TRERF1: variants seen among roughly 807,000 people sequenced by gnomAD.
TRERF1 encodes the protein transcriptional-regulating factor 1.
Under a neutral mutation model 122.9 loss-of-function variants are expected in TRERF1, and 27 were observed. The observed-to-expected ratio is 0.22, with a 90% CI of 0.16 to 0.30. TRERF1 has a LOEUF of 0.30. TRERF1 is among the 10% of genes least tolerant of loss of function. The pLI is 1.00. For missense variants in TRERF1, 1,248 were observed against 1,560.3 expected (o/e 0.80, Z 3.37); for synonymous variants, 636 against 641.7 (o/e 0.99, Z 0.13).
intron 16 of TRERF1, among the ~76,000 whole-genome samples, chr6:42,233,395 C>G (rs1457792015): frequency 6.6e-6 from 1 of 151,242 alleles, no homozygotes; most frequent in East Asian, 1.9e-4. Context: ...ACACCATTCT[C>G]CTGCCTCAGC....
intron 3 of TRERF1, among the ~76,000 whole-genome samples, chr6:42,315,879 G>A (rs564415121): frequency 3.7e-4 from 57 of 152,216 alleles, no homozygotes; most frequent in Non-Finnish European, 5.7e-4. Context: ...GAAGAGGAGG[G>A]ACTTGGGTGG....
chr6:42,428,721 C>A (rs1255297395), intron 2 of TRERF1, among the ~76,000 whole-genome samples: 1 of 152,232 alleles, frequency 6.6e-6, no homozygotes, highest in African/African-American at 2.4e-5. Flanking sequence ...AACCCTTGCC[C>A]TGCAGAAGTC....
intron 15 of TRERF1, among the ~76,000 whole-genome samples, chr6:42,241,467 ATT>A (rs70987584): frequency 2.0e-5 from 3 of 148,388 alleles, no homozygotes; most frequent in African/African-American, 7.4e-5. Flanking sequence ...AATGAGTCCA[ATT>A]TTTTTTTTTC....
At chr6:42,440,230 T>C in intron 2 of TRERF1, among the ~76,000 whole-genome samples, 1 of 152,110 alleles carries the variant, frequency 6.6e-6, no homozygotes. Context: ...GCTCTAGATA[T>C]TTTGCTGAGG....
At chr6:42,280,125 G>C (rs182529191) in intron 4 of TRERF1, among the ~76,000 whole-genome samples, 2 of 152,102 alleles carry the variant, frequency 1.3e-5, no homozygotes, top group Non-Finnish European at 2.9e-5. Flanking sequence ...CGGCGACACC[G>C]AGCTACATAC....
intron 9 of TRERF1, among the ~76,000 whole-genome samples, chr6:42,258,536 C>T (rs540318306): frequency 6.6e-6 from 1 of 152,372 alleles, no homozygotes; most frequent in African/African-American, 2.4e-5. Context: ...AAGGCTTGAT[C>T]TTGCATGTAA....
At chr6:42,237,798 G>A (rs1438814625) in intron 15 of TRERF1, among the ~76,000 whole-genome samples, 8 of 152,142 alleles carry the variant, frequency 5.3e-5, no homozygotes, top group Non-Finnish European at 1.5e-5. Flanking sequence ...TGTGAGAGAG[G>A]GAGACAATGC....
intron 2 of TRERF1, among the ~76,000 whole-genome samples, chr6:42,382,074 A>C (rs1776034932): frequency 6.6e-6 from 1 of 151,922 alleles, no homozygotes; most frequent in Non-Finnish European, 1.5e-5. Flanking sequence ...AGGCCTGCCC[A>C]AAATAATGAA....
intron 2 of TRERF1, among the ~76,000 whole-genome samples, chr6:42,406,021 G>C (rs550768971): frequency 6.6e-6 from 1 of 152,272 alleles, no homozygotes; most frequent in South Asian, 2.1e-4. Flanking sequence ...GCAGCAGCTA[G>C]TGTGTATGGA....
At chr6:42,377,552 A>G (rs962427423) in intron 2 of TRERF1, among the ~76,000 whole-genome samples, 1 of 152,190 alleles carries the variant, frequency 6.6e-6, no homozygotes, top group Non-Finnish European at 1.5e-5. Context: ...AACACATTTC[A>G]TTTATCCATG....
At chr6:42,385,272 C>T (rs947051400) in intron 2 of TRERF1, among the ~76,000 whole-genome samples, 4 of 152,124 alleles carry the variant, frequency 2.6e-5, no homozygotes, top group Admixed American at 6.6e-5. Context: ...CCACTGCACC[C>T]GACCTGATCC....
At chr6:42,452,108 CT>C (rs1289582432), upstream of TRERF1, 4 of 151,838 alleles carry the variant, frequency 2.6e-5, no homozygotes, top group Non-Finnish European at 4.4e-5. Context: ...TTACCCACCC[CT>C]AGCAACCGTT....
At chr6:42,311,461 T>G (rs922148193) in intron 3 of TRERF1, among the ~76,000 whole-genome samples, 50 of 152,132 alleles carry the variant, frequency 3.3e-4, no homozygotes, top group African/African-American at 1.2e-3. Context: ...GAGGCCAGGC[T>G]GTAGGCATGA....
chr6:42,226,303 T>C (rs1051587884), exon 18 of TRERF1: 2 of 152,270 alleles, frequency 1.3e-5, no homozygotes, highest in Non-Finnish European at 2.9e-5. Context: ...AACACTTTTC[T>C]GGATGTTTGC....
At position 42,246,448 on chromosome 6, in the gene TRERF1, A is replaced by G; in HGVS notation, c.2745+8T>C. 1 of 1,570,486 alleles carries G rather than the reference A, an allele frequency of 6.4e-7. No homozygotes were observed. The highest frequency in any genetic ancestry group is 2.3e-5 in the East Asian group (1 of 43,554). The stretch of plus-strand genomic sequence containing the variant: ...TTTCAAGGGGGCAATGGGAAAAATC[A>G]TGCTTACCATCTTCTGTACAAAAAT... On this transcript the variant is annotated splice_region_variant and intron_variant, in intron 14 of 17. Transcript: ENST00000372922.
chr6:42,356,005 G>A (rs1255812011), intron 3 of TRERF1, among the ~76,000 whole-genome samples: 2 of 152,138 alleles, frequency 1.3e-5, no homozygotes, highest in Admixed American at 1.3e-4. Context: ...ACTGACATTC[G>A]GAACTAGGAA....
At position 42,228,044 on chromosome 6, in the gene TRERF1, C is replaced by G; in HGVS notation, c.*301G>C. 1 of 264,132 alleles carries G rather than the reference C, an allele frequency of 3.8e-6. No homozygotes were observed. Among genetic ancestry groups the G allele is most frequent in the Admixed American group, 5.3e-5 (1 of 18,776 alleles). The allele number at this position is 264,132 out of a possible 1,614,324, so 16.4% of individuals were successfully genotyped here. On this transcript the variant is annotated 3_prime_UTR_variant, in exon 18 of 18. Coordinates refer to ENST00000372922, the Ensembl canonical transcript of TRERF1. This position sits in a 1 kb window ranked among gnomAD's most constrained non-coding sequence, Gnocchi z 4.2. ...AACCGGGATGGTTGACATCTGAATG[C>G]AATGGAACATGAAGGTCAGCTTCAG... is the stretch of plus-strand genomic sequence containing the variant.
intron 3 of TRERF1, among the ~76,000 whole-genome samples, chr6:42,324,852 T>C (rs1166852959): frequency 6.6e-6 from 1 of 152,108 alleles, no homozygotes; most frequent in Non-Finnish European, 1.5e-5. Flanking sequence ...GAAAAGAATT[T>C]ATGACTAAGC....
At chr6:42,241,192 G>A (rs1399834964) in intron 15 of TRERF1, among the ~76,000 whole-genome samples, 7 of 151,954 alleles carry the variant, frequency 4.6e-5, no homozygotes, top group Admixed American at 4.6e-4. Context: ...GTGATCACAT[G>A]TTTTTTAAAA....
Sources: allele counts gnomAD v4.1 joint callset (sites outside exome capture counted in the v4.1 genomes callset), GRCh38; gene constraint gnomAD v4.1.1; non-coding constraint Gnocchi (gnomAD v3.1); transcripts MANE v1.5; gene names NCBI Gene and HGNC (gene_info 2026-07-23, HGNC 2026-07-21).